Variants in CHCHD6 observed in about 807,000 individuals in gnomAD.
CHCHD6 encodes MICOS complex subunit MIC25.
A neutral mutation model predicts 32.3 loss-of-function variants in CHCHD6; 28 were observed. That is an observed-to-expected ratio of 0.87 (90% CI 0.64 to 1.19). The LOEUF (loss-of-function observed/expected upper bound fraction) is 1.19, where lower values mean the gene tolerates loss of function less well. Among genes scored for constraint, CHCHD6 ranks in the 50% most tolerant of loss-of-function variants. The probability of loss-of-function intolerance (pLI) is 0.00; values close to 1 mark genes in which losing one functional copy is unlikely to be tolerated. For missense variants in CHCHD6, 333 were observed against 307.0 expected (o/e 1.08, Z -0.63); for synonymous variants, 122 against 117.5 (o/e 1.04, Z -0.25).
chr3:126,881,959 T>TA (rs1209858927), intron 5 of CHCHD6, among the ~76,000 whole-genome samples: 3 of 152,148 alleles, frequency 2.0e-5, no homozygotes, highest in African/African-American at 7.2e-5. Context: ...ACCTTCCACT[T>TA]AAACAAGGGT....
chr3:126,888,778 TC>T (rs2107576702), intron 5 of CHCHD6, among the ~76,000 whole-genome samples: 1 of 152,268 alleles, frequency 6.6e-6, no homozygotes, highest in East Asian at 1.9e-4. Context: ...GTGCTCGTTT[TC>T]CCGTGGCCAC....
At chr3:126,858,524 G>T (rs1021992904) in intron 5 of CHCHD6, among the ~76,000 whole-genome samples, 7 of 152,186 alleles carry the variant, frequency 4.6e-5, no homozygotes, top group African/African-American at 1.2e-4. Context: ...GGCCTGCAGC[G>T]CTCTGCTCAG....
intron 5 of CHCHD6, among the ~76,000 whole-genome samples, chr3:126,878,848 G>A (rs2107571804): frequency 6.6e-6 from 1 of 152,330 alleles, no homozygotes; most frequent in Non-Finnish European, 1.5e-5. Context: ...AATAGCATCA[G>A]GCAGCCATTC....
intron 6 of CHCHD6, among the ~76,000 whole-genome samples, chr3:126,934,526 C>T (rs1374879833): frequency 9.5e-5 from 14 of 146,616 alleles, no homozygotes; most frequent in Admixed American, 9.4e-4. Flanking sequence ...AATGCACCCT[C>T]CCCTCTCTGC....
At chr3:126,843,727 A>C (rs1321610739) in intron 4 of CHCHD6, among the ~76,000 whole-genome samples, 1 of 152,180 alleles carries the variant, frequency 6.6e-6, no homozygotes, top group Admixed American at 6.5e-5. Context: ...TCTCCTCCCA[A>C]GAGTTCAATT....
intron 4 of CHCHD6, among the ~76,000 whole-genome samples, chr3:126,832,711 C>T (rs1940694225): frequency 6.6e-6 from 1 of 152,158 alleles, no homozygotes; most frequent in Admixed American, 6.5e-5. Flanking sequence ...CTTCCTCTTT[C>T]CACTTTGTAG....
rs114167264 is a variant in CHCHD6 at position 126,958,904 on chromosome 3, A to G, written c.703-1292A>G. On this transcript the variant is annotated intron_variant, in intron 7 of 7. Transcript: ENST00000290913. ...CTCACCAGCAAAGTGAAGCCTCCAG[A>G]TCCTCCACACACCCAATCAAGGGCA... Among the ~76,000 whole-genome samples, 891 of 152,246 alleles carry G rather than the reference A, an allele frequency of 5.9e-3. 6 individuals are homozygous for G. Among genetic ancestry groups the G allele is most frequent in the Non-Finnish European group, 8.5e-3 (577 of 68,018 alleles).
At chr3:126,782,549 A>C (rs551719099) in intron 4 of CHCHD6, among the ~76,000 whole-genome samples, 6 of 152,266 alleles carry the variant, frequency 3.9e-5, no homozygotes, top group Admixed American at 3.3e-4. Flanking sequence ...ATTTACTACA[A>C]GGATACAGGG....
chr3:126,732,977 C>T, intron 3 of CHCHD6, 101 bp from the exon 4 acceptor site: 1 of 1,345,586 alleles, frequency 7.4e-7, no homozygotes. Context: ...CTGGTTTCAG[C>T]ATTTCCCTGG....
chr3:126,935,422 A>G (rs1021693069), intron 6 of CHCHD6, among the ~76,000 whole-genome samples: 1 of 152,256 alleles, frequency 6.6e-6, no homozygotes, highest in Non-Finnish European at 1.5e-5. Context: ...CCAGGCTTAC[A>G]TGATAACCAG....
chr3:126,799,013 C>T (rs1302141625), intron 4 of CHCHD6, among the ~76,000 whole-genome samples: 1 of 152,194 alleles, frequency 6.6e-6, no homozygotes, highest in Non-Finnish European at 1.5e-5. Context: ...CCCTCTGGTG[C>T]TGGTGAGGTG....
At chr3:126,944,382 C>T (rs1290447350) in intron 6 of CHCHD6, among the ~76,000 whole-genome samples, 2 of 152,266 alleles carry the variant, frequency 1.3e-5, no homozygotes, top group African/African-American at 2.4e-5. Context: ...ATTATTGATG[C>T]TCTGCCTACC....
At chr3:126,758,179 T>C (rs1342461392) in intron 4 of CHCHD6, among the ~76,000 whole-genome samples, 1 of 152,254 alleles carries the variant, frequency 6.6e-6, no homozygotes, top group Non-Finnish European at 1.5e-5. Context: ...CCCAGCTAAA[T>C]AGAGAAGATG....
At chr3:126,789,788 T>A (rs1938428891) in intron 4 of CHCHD6, among the ~76,000 whole-genome samples, 1 of 152,198 alleles carries the variant, frequency 6.6e-6, no homozygotes, top group Non-Finnish European at 1.5e-5. Flanking sequence ...AATTTGCCAC[T>A]CTCTGTCTTT....
intron 4 of CHCHD6, among the ~76,000 whole-genome samples, chr3:126,849,539 GACTGTCATCTGCTA>G (rs1941400803): frequency 6.6e-6 from 1 of 152,182 alleles, no homozygotes; most frequent in South Asian, 2.1e-4. Context: ...TCTATTCAAA[GACTGTCATCTGCTA>G]AGTACATGTT....
At chr3:126,779,051 A>G (rs1937791273) in intron 4 of CHCHD6, among the ~76,000 whole-genome samples, 1 of 151,978 alleles carries the variant, frequency 6.6e-6, no homozygotes, top group African/African-American at 2.4e-5. Context: ...ACCAGGCCAA[A>G]AGTTTTAAAT....
At chr3:126,926,676 T>C (rs1291510990) in intron 6 of CHCHD6, among the ~76,000 whole-genome samples, 7 of 152,122 alleles carry the variant, frequency 4.6e-5, no homozygotes, top group Admixed American at 4.6e-4. Context: ...GGTCCCAATG[T>C]GAAGAGCCTT....
At chr3:126,740,357 T>C (rs1936240671) in intron 4 of CHCHD6, among the ~76,000 whole-genome samples, 1 of 152,204 alleles carries the variant, frequency 6.6e-6, no homozygotes, top group Non-Finnish European at 1.5e-5. Context: ...ACTGGTGCCT[T>C]GGGTGAATGT....
chr3:126,766,830 G>A (rs979610931), intron 4 of CHCHD6: 2 of 970,440 alleles, frequency 2.1e-6, no homozygotes, highest in Admixed American at 3.4e-5. Context: ...AACCAGTATA[G>A]ATCTGGGACA....
Sources: allele counts gnomAD v4.1 joint callset (sites outside exome capture counted in the v4.1 genomes callset), GRCh38; gene constraint gnomAD v4.1.1; transcripts MANE v1.5; gene names NCBI Gene and HGNC (gene_info 2026-07-23, HGNC 2026-07-21).